The following XBP1 variants were observed in gnomAD, a reference collection of about 807,000 sequenced individuals.
XBP1 encodes the protein X-box binding protein 1.
In XBP1, 18 loss-of-function variants were observed where a neutral mutation model predicts 34.6. The ratio of observed to expected loss-of-function variants is 0.52; its 90% CI spans 0.36 to 0.77. The LOEUF is 0.77. XBP1 is among the 30% of genes least tolerant of loss of function. XBP1 has a pLI of 0.00. For missense variants in XBP1, 422 were observed against 464.6 expected (o/e 0.91, Z 0.84); for synonymous variants, 191 against 193.4 (o/e 0.99, Z 0.11).
At chr22:28,800,460 C>A in exon 1 of XBP1, 1 of 1,476,024 alleles carries the variant, frequency 6.8e-7, no homozygotes, top group Middle Eastern at 1.8e-4. Context: ...GGCGGGCTGC[C>A]CCGACAGAAG....
At chr22:28,800,509 C>G in exon 1 of XBP1, 1 of 1,490,150 alleles carries the variant, frequency 6.7e-7, no homozygotes, top group Non-Finnish European at 8.9e-7. Context: ...TTCGGCGCGG[C>G]TGCCACCACC....
At chr22:28,800,534 C>G (rs1177319408), upstream of XBP1, 21 of 1,481,330 alleles carry the variant, frequency 1.4e-5, no homozygotes, top group Non-Finnish European at 1.7e-5. Flanking sequence ...TAGCTCCAGA[C>G]TACGCACCGC....
chr22:28,799,855 G>A lies in XBP1; in HGVS notation c.227+443C>T, dbSNP rs2031833152. On this transcript the variant is annotated intron_variant, in intron 1 of 5. Transcript: ENST00000344347. ...TCCATTTTAAGAACGCAGATACTGA[G>A]CTAGACCAGTGAGCCTCGCAGAATT... is the stretch of plus-strand genomic sequence containing the variant. 2 of 673,164 alleles carry A rather than the reference G, an allele frequency of 3.0e-6. 1 individual carries two copies. 41.7% of individuals were successfully genotyped at this position (673,164 alleles called of 1,614,324 possible). A position where few individuals can be genotyped will look rare whatever the true frequency, so the allele number is the denominator to read the frequency against.
At position 28,797,090 on chromosome 22, in the gene XBP1, T is replaced by G. The variant is rs148722004; in HGVS notation, c.440A>C (p.Glu147Ala). 34 of 1,609,768 alleles carry G rather than the reference T, an allele frequency of 2.1e-5. No homozygotes were observed. In the African/African-American group the frequency reaches 2.3e-4, roughly 11 times the overall value. The stretch of plus-strand genomic sequence containing the variant: ...GAGATGATTTACCTTGGCTTCCGCC[T>G]CCTCTTCAGCAACCAGGGCATCCAT... Residue 147 changes from glutamate to alanine, a missense_variant, in exon 3 of 6, where the codon GAG (glutamate) becomes GCG (alanine). By Grantham distance (107) the Glu-to-Ala change is moderately radical (BLOSUM62 -1). Coordinates refer to ENST00000344347, the Ensembl canonical transcript of XBP1.
At chr22:28,796,099 G>A in exon 5 of XBP1, 1 of 1,614,176 alleles carries the variant, frequency 6.2e-7, no homozygotes, top group Non-Finnish European at 8.5e-7. Context: ...ATGTTCTGGA[G>A]GGGTGACAAC....
At chr22:28,798,909 C>A in intron 2 of XBP1, 148 bp downstream of exon 2, 2 of 627,514 alleles carry the variant, frequency 3.2e-6, no homozygotes, top group East Asian at 2.9e-5. Context: ...GCATGAGCCA[C>A]CATGCCCAGC....
At chr22:28,800,532 G>A (rs1166649083), upstream of XBP1, 21 of 1,483,504 alleles carry the variant, frequency 1.4e-5, no homozygotes, top group Middle Eastern at 1.8e-4. Flanking sequence ...CATAGCTCCA[G>A]ACTACGCACC....
At chr22:28,800,172 G>A (rs1330756385) in intron 1 of XBP1, 126 bp downstream of exon 1, 3 of 1,170,194 alleles carry the variant, frequency 2.6e-6, no homozygotes, top group Non-Finnish European at 3.6e-6. Flanking sequence ...GCACCGACCC[G>A]CCAGGCCAAA....
intron 2 of XBP1, among the ~76,000 whole-genome samples, chr22:28,798,034 G>A (rs891866490): frequency 6.6e-6 from 1 of 152,144 alleles, no homozygotes. Flanking sequence ...TTCAAGATGT[G>A]TAATTGGCAA....
chr22:28,800,503 G>A (rs1273185411), exon 1 of XBP1: 1 of 1,489,288 alleles, frequency 6.7e-7, no homozygotes, highest in Non-Finnish European at 8.9e-7. Flanking sequence ...GCCGGGTTCG[G>A]CGCGGCTGCC....
At chr22:28,800,325 A>G in exon 1 of XBP1, 1 of 1,552,390 alleles carries the variant, frequency 6.4e-7, no homozygotes, top group East Asian at 2.5e-5. Context: ...CTCGGGGCTC[A>G]GGTGCGTGAG....
chr22:28,795,969 C>T, intron 5 of XBP1, 78 bp downstream of exon 5: 1 of 1,570,404 alleles, frequency 6.4e-7, no homozygotes, highest in Non-Finnish European at 8.7e-7. Flanking sequence ...CCTCATCTGT[C>T]TAGTTAGGGA....
intron 1 of XBP1, chr22:28,799,934 C>G: frequency 1.3e-6 from 1 of 776,732 alleles, no homozygotes; most frequent in Admixed American, 1.7e-5. Flanking sequence ...CCAGAAATAG[C>G]AGTAAACCAA....
intron 2 of XBP1, chr22:28,798,768 CTT>C (rs71196604): frequency 1.4e-3 from 171 of 125,234 alleles, no homozygotes; most frequent in South Asian, 4.2e-3. Context: ...CACGCTTGGC[CTT>C]TTTTTTTTTT....
chr22:28,798,302 CTTTT>C (rs71316865), intron 2 of XBP1, among the ~76,000 whole-genome samples: 1 of 123,382 alleles, frequency 8.1e-6, no homozygotes, highest in African/African-American at 3.3e-5. Flanking sequence ...CTTAGATTAA[CTTTT>C]TTTTTTTTTT....
downstream of XBP1, chr22:28,795,056 A>G (rs1601436017): frequency 3.2e-6 from 3 of 937,056 alleles, no homozygotes; most frequent in South Asian, 7.4e-5. Context: ...AAATAGAGGA[A>G]TTCTCTAGGA....
At position 28,796,314 on chromosome 22, in the gene XBP1, T is replaced by C. The variant is rs1204610789; in HGVS notation, c.454-122A>G. On this transcript the variant is annotated intron_variant, in intron 3 of 5. Coordinates refer to ENST00000344347, the Ensembl canonical transcript of XBP1. Reference sequence around the variant, plus strand: ...AAAAGATTCTAGGGTTAAATTGCTATAGAACTTTATTATCTAACAACATTA... The same window carrying C: ...AAAAGATTCTAGGGTTAAATTGCTACAGAACTTTATTATCTAACAACATTA... 7 of 881,326 alleles carry C rather than the reference T, an allele frequency of 7.9e-6. No individual in the cohort carries two copies. The African/African-American group carries it at 8.6e-5, about 11-fold the overall frequency. 54.6% of individuals were successfully genotyped at this position (881,326 alleles called of 1,614,324 possible). A position where few individuals can be genotyped will look rare whatever the true frequency, so the allele number is the denominator to read the frequency against.
intron 5 of XBP1, 75 bp downstream of exon 5, chr22:28,795,972 G>C: frequency 6.3e-7 from 1 of 1,576,404 alleles, no homozygotes; most frequent in East Asian, 2.2e-5. Flanking sequence ...CATCTGTCTA[G>C]TTAGGGATGT....
chr22:28,795,680 T>A (rs112130171), exon 6 of XBP1: 1 of 1,578,678 alleles, frequency 6.3e-7, no homozygotes, highest in Non-Finnish European at 8.6e-7. Context: ...GGAAGGGCAT[T>A]TGAAGAACAT....
Sources: gnomAD v4.1 joint callset for allele counts (sites outside exome capture counted in the v4.1 genomes callset) on GRCh38, gnomAD v4.1.1 for gene constraint, MANE v1.5 for transcripts, NCBI Gene and HGNC (gene_info 2026-07-23, HGNC 2026-07-21) for gene names.